The following THSD7A variants were observed in gnomAD, a reference collection of about 807,000 sequenced individuals.
THSD7A encodes thrombospondin type-1 domain-containing protein 7A.
A neutral mutation model predicts 231.3 loss-of-function variants in THSD7A; 96 were observed. The ratio of observed to expected loss-of-function variants is 0.41; its 90% CI spans 0.35 to 0.49. The LOEUF (loss-of-function observed/expected upper bound fraction) is 0.49, where lower values mean the gene tolerates loss of function less well. Ranked by LOEUF, THSD7A falls within the 20% of genes least tolerant of loss-of-function variation. THSD7A has a pLI of 0.05. For missense variants in THSD7A, 2,290 were observed against 2,070.2 expected (o/e 1.11, Z -2.06); for synonymous variants, 940 against 743.3 (o/e 1.26, Z -4.30).
At chr7:11,654,972 G>C (rs1054021983) in intron 1 of THSD7A, among the ~76,000 whole-genome samples, 1 of 151,884 alleles carries the variant, frequency 6.6e-6, no homozygotes, top group African/African-American at 2.4e-5. Flanking sequence ...AAACCTGAAG[G>C]ATGTCTTGAT....
intron 23 of THSD7A, among the ~76,000 whole-genome samples, chr7:11,397,479 A>G (rs991992663): frequency 6.6e-6 from 1 of 152,224 alleles, no homozygotes; most frequent in Admixed American, 6.5e-5. Context: ...CCTAGGCAAT[A>G]CTATTCAGGA....
At chr7:11,800,685 CA>C (rs1562565082) in intron 1 of THSD7A, among the ~76,000 whole-genome samples, 1 of 152,120 alleles carries the variant, frequency 6.6e-6, no homozygotes, top group Non-Finnish European at 1.5e-5. Context: ...TAGTCAAATT[CA>C]TAGAAGCAGA....
chr7:11,416,829 C>T (rs1783977804), intron 17 of THSD7A, among the ~76,000 whole-genome samples: 1 of 152,174 alleles, frequency 6.6e-6, no homozygotes, highest in Admixed American at 6.5e-5. Context: ...TGAGCCCCTA[C>T]TGGCTGTTGA....
intron 1 of THSD7A, among the ~76,000 whole-genome samples, chr7:11,803,129 G>C (rs1230977242): frequency 2.0e-5 from 3 of 152,176 alleles, no homozygotes; most frequent in African/African-American, 7.2e-5. Context: ...GAGGAGTTAA[G>C]AGGGTGAAGG....
intron 6 of THSD7A, among the ~76,000 whole-genome samples, chr7:11,515,129 A>C (rs1171431955): frequency 6.6e-6 from 1 of 152,220 alleles, no homozygotes; most frequent in Non-Finnish European, 1.5e-5. Flanking sequence ...CCTATCAAAA[A>C]CAATTAAAAT....
intron 11 of THSD7A, among the ~76,000 whole-genome samples, chr7:11,454,407 A>G (rs1160049271): frequency 6.6e-6 from 1 of 151,814 alleles, no homozygotes; most frequent in Admixed American, 6.6e-5. Context: ...AAACAAAACT[A>G]TCCTTGCCCC....
chr7:11,681,386 T>TA (rs1783864120), intron 1 of THSD7A, among the ~76,000 whole-genome samples: 1 of 151,486 alleles, frequency 6.6e-6, no homozygotes, highest in South Asian at 2.1e-4. Context: ...TAAAGTATAA[T>TA]AAAAAAGAAC....
At chr7:11,699,837 G>C (rs1240922692) in intron 1 of THSD7A, among the ~76,000 whole-genome samples, 1 of 151,128 alleles carries the variant, frequency 6.6e-6, no homozygotes, top group Non-Finnish European at 1.5e-5. Flanking sequence ...GTGCTATAAA[G>C]CGACTATAAT....
intron 1 of THSD7A, among the ~76,000 whole-genome samples, chr7:11,792,523 G>A (rs1783988547): frequency 1.3e-5 from 2 of 151,714 alleles, no homozygotes; most frequent in Admixed American, 6.6e-5. Context: ...CCACCACACA[G>A]GGCAATCTAC....
At chr7:11,567,473 C>T (rs62434501) in intron 4 of THSD7A, among the ~76,000 whole-genome samples, 2,694 of 152,144 alleles carry the variant, frequency 0.018, 96 homozygotes, top group East Asian at 0.04. Context: ...GGTGGGGACA[C>T]GAAGCCTAAC....
At chr7:11,823,572 T>G (rs1784934123) in intron 1 of THSD7A, among the ~76,000 whole-genome samples, 1 of 152,170 alleles carries the variant, frequency 6.6e-6, no homozygotes, top group African/African-American at 2.4e-5. Context: ...CAATATTAAT[T>G]CTTCTCATTC....
At chr7:11,447,910 G>A (rs894638759) in intron 11 of THSD7A, among the ~76,000 whole-genome samples, 1 of 152,070 alleles carries the variant, frequency 6.6e-6, no homozygotes, top group Admixed American at 6.6e-5. Context: ...AAAGCTGGTT[G>A]GTAGGTTGGA....
At chr7:11,726,114 A>G (rs1023346223) in intron 1 of THSD7A, among the ~76,000 whole-genome samples, 8 of 152,032 alleles carry the variant, frequency 5.3e-5, no homozygotes, top group African/African-American at 1.9e-4. Flanking sequence ...GTTTCCATAA[A>G]AGCTAAATTT....
At chr7:11,828,105 C>T (rs1236550643) in intron 1 of THSD7A, among the ~76,000 whole-genome samples, 2 of 152,222 alleles carry the variant, frequency 1.3e-5, no homozygotes, top group African/African-American at 4.8e-5. Context: ...ACTCATCTCT[C>T]TTCATTCTAG....
At chr7:11,559,858 G>A (rs983874079) in intron 4 of THSD7A, among the ~76,000 whole-genome samples, 2 of 152,136 alleles carry the variant, frequency 1.3e-5, no homozygotes, top group African/African-American at 4.8e-5. Flanking sequence ...AATTTAAGTT[G>A]TTTTGATCAA....
chr7:11,426,732 A>G, intron 14 of THSD7A, 61 bp from the exon 15 acceptor site: 2 of 1,505,710 alleles, frequency 1.3e-6, no homozygotes. Flanking sequence ...TGAAAATGTC[A>G]GTATGCTATG....
At chr7:11,596,968 A>G (rs1165078166) in intron 2 of THSD7A, among the ~76,000 whole-genome samples, 1 of 152,248 alleles carries the variant, frequency 6.6e-6, no homozygotes, top group Non-Finnish European at 1.5e-5. Flanking sequence ...CCTCAGGGGT[A>G]TATCAACTCT....
chr7:11,508,751 C>A (rs1043423410), intron 6 of THSD7A, among the ~76,000 whole-genome samples: 2 of 152,188 alleles, frequency 1.3e-5, no homozygotes, highest in Non-Finnish European at 2.9e-5. Context: ...AGTGGAATAA[C>A]ATTCAGCCTT....
intron 4 of THSD7A, among the ~76,000 whole-genome samples, chr7:11,550,631 G>A (rs542923208): frequency 6.6e-6 from 1 of 152,186 alleles, no homozygotes; most frequent in East Asian, 1.9e-4. Context: ...GTTTCTTGAG[G>A]CCTTCCCAGC....
Sources: gnomAD v4.1 joint callset for allele counts (sites outside exome capture counted in the v4.1 genomes callset) on GRCh38, gnomAD v4.1.1 for gene constraint, MANE v1.5 for transcripts, NCBI Gene and HGNC (gene_info 2026-07-23, HGNC 2026-07-21) for gene names.